The following RNF24 variants were observed in gnomAD, a reference collection of about 807,000 sequenced individuals.
The protein encoded by RNF24 is ring finger protein 24.
RNF24 carries 14 observed loss-of-function variants against 20.0 expected under a neutral mutation model. The observed-to-expected ratio is 0.70, with a 90% CI of 0.46 to 1.10. The LOEUF (loss-of-function observed/expected upper bound fraction) is 1.10. Among genes scored for constraint, RNF24 ranks in the 50% least tolerant of loss-of-function variants. The pLI, the probability that RNF24 is intolerant of heterozygous loss-of-function variation, is 0.00. For synonymous variants in RNF24, 45 were observed against 61.1 expected (o/e 0.74, Z 1.23); for missense variants, 124 against 177.6 (o/e 0.70, Z 1.71).
chr20:3,949,629 A>G (rs2091059493), intron 2 of RNF24, among the ~76,000 whole-genome samples: 1 of 152,070 alleles, frequency 6.6e-6, no homozygotes, highest in Non-Finnish European at 1.5e-5. Context: ...GGCTGCAGTG[A>G]GCTGGGATTG....
At chr20:3,965,867 CT>C (rs1239494938) in intron 1 of RNF24, among the ~76,000 whole-genome samples, 1 of 152,144 alleles carries the variant, frequency 6.6e-6, no homozygotes, top group Non-Finnish European at 1.5e-5. Flanking sequence ...GGTGCAGTGG[CT>C]CACACCTGTA....
At chr20:3,968,378 G>A (rs568403737) in intron 1 of RNF24, among the ~76,000 whole-genome samples, 12 of 152,302 alleles carry the variant, frequency 7.9e-5, no homozygotes, top group African/African-American at 2.9e-4. Flanking sequence ...GGAGGCTGAG[G>A]TGGGAGGACT....
At chr20:4,003,526 C>CT (rs1485434003) in intron 1 of RNF24, among the ~76,000 whole-genome samples, 1 of 150,412 alleles carries the variant, frequency 6.6e-6, no homozygotes, top group Non-Finnish European at 1.5e-5. Context: ...TAGTTCTTAA[C>CT]TTTTTCTTAG....
At chr20:3,968,758 T>C (rs927526206) in intron 1 of RNF24, among the ~76,000 whole-genome samples, 5 of 152,312 alleles carry the variant, frequency 3.3e-5, no homozygotes, top group African/African-American at 1.2e-4. Context: ...TTTAAAAACA[T>C]GTCACTGATC....
intron 1 of RNF24, among the ~76,000 whole-genome samples, chr20:3,990,283 G>A (rs918640795): frequency 1.3e-5 from 2 of 151,998 alleles, no homozygotes; most frequent in African/African-American, 4.8e-5. Context: ...CTGCTTGGGG[G>A]AAAAAAGTAC....
rs1379166726 is a variant in RNF24 at position 3,928,382 on chromosome 20, C to T, written c.*5681G>A. 1 of 152,204 alleles carries T rather than the reference C, an allele frequency of 6.6e-6. No individual in the cohort carries two copies. The highest frequency in any genetic ancestry group is 6.5e-5 in the Admixed American group (1 of 15,280). The allele number at this position is 152,204 out of a possible 1,614,324, so 9.4% of individuals were successfully genotyped here. A position where few individuals can be genotyped will look rare whatever the true frequency, so the allele number is the denominator to read the frequency against. ...TGGGCAGCTGCTGGGAAGCGAGGCA[C>T]AAGTCTGTGCCCCTACTCCCAGGGC... On this transcript the variant is annotated 3_prime_UTR_variant, in exon 6 of 6. Coordinates refer to ENST00000358395, the MANE Select transcript of RNF24 (RefSeq NM_001134337.3).
chr20:3,964,389 A>G (rs2091236013), intron 1 of RNF24, among the ~76,000 whole-genome samples: 1 of 152,250 alleles, frequency 6.6e-6, no homozygotes, highest in Non-Finnish European at 1.5e-5. Context: ...CTTTAACCTA[A>G]TAACTCAACC....
chr20:3,936,696 C>T (rs1002007836), intron 4 of RNF24, among the ~76,000 whole-genome samples: 4 of 152,188 alleles, frequency 2.6e-5, no homozygotes, highest in Non-Finnish European at 4.4e-5. Context: ...TCCTCTCAGC[C>T]CCGCCTTCCG....
At chr20:3,989,112 T>C (rs971740582) in intron 1 of RNF24, among the ~76,000 whole-genome samples, 3 of 152,302 alleles carry the variant, frequency 2.0e-5, no homozygotes, top group South Asian at 2.1e-4. Flanking sequence ...GGGTTTGTCT[T>C]TTCTGAGAGG....
chr20:3,986,959 T>C (rs940769402), intron 1 of RNF24, among the ~76,000 whole-genome samples: 18 of 151,934 alleles, frequency 1.2e-4, no homozygotes, highest in South Asian at 4.1e-4. Flanking sequence ...CCAAGCTGGA[T>C]TGCAGTAGCA....
chr20:3,931,757 A>T lies in RNF24; in HGVS notation c.*2306T>A, dbSNP rs1039241991. 1 of 152,240 alleles carries T rather than the reference A, an allele frequency of 6.6e-6. No homozygotes were observed. Among genetic ancestry groups the T allele is most frequent in the Non-Finnish European group, 1.5e-5 (1 of 68,044 alleles). 9.4% of individuals were successfully genotyped at this position (152,240 alleles called of 1,614,324 possible). On this transcript the variant is annotated 3_prime_UTR_variant, in exon 6 of 6. Coordinates refer to ENST00000358395, the MANE Select transcript of RNF24 (RefSeq NM_001134337.3). ...CTGAGAAGGTTGTTAGTGGTCCCTC[A>T]TCTGGGCAAAGCAGACCCAAGGTGG...
In RNF24 at chr20:3,930,618, C is replaced by G. The variant is rs990249404; in HGVS notation, c.*3445G>C. ...ATTCCATCACTCTCTGCCTGGAGCT[C>G]TGGGTATACTGCCCTGGATGTATCA... is the stretch of plus-strand genomic sequence containing the variant. On this transcript the variant is annotated 3_prime_UTR_variant, in exon 6 of 6. Transcript: ENST00000358395. The G allele has an allele frequency of 2.6e-5, 4 of 152,228 alleles. No individual in the cohort carries two copies. The highest frequency in any genetic ancestry group is 9.7e-5 in the African/African-American group (4 of 41,450). The allele number at this position is 152,228 out of a possible 1,614,324, so 9.4% of individuals were successfully genotyped here.
rs2090870791 is a variant in RNF24, at chr20:3,934,842, C to T, written c.308+152G>A. 4.8e-6 allele frequency: 3 copies of T among 625,324 alleles called. No individual in the cohort carries two copies. Among genetic ancestry groups the T allele is most frequent in the Non-Finnish European group, 5.9e-6 (2 of 340,194 alleles). The allele number at this position is 625,324 out of a possible 1,614,324, so 38.7% of individuals were successfully genotyped here. On this transcript the variant is annotated intron_variant, in intron 5 of 5. Coordinates refer to ENST00000358395, the MANE Select transcript of RNF24 (RefSeq NM_001134337.3). The surrounding 1 kb of genome is among the most constrained non-coding windows in gnomAD (Gnocchi z 4.0). ...TCTCCTAATGTCACGCACACACACACACATCCCACCTGTAGGGTGCTGTCA... is the reference window on the plus strand; with the variant it reads ...TCTCCTAATGTCACGCACACACACATACATCCCACCTGTAGGGTGCTGTCA...
chr20:4,001,871 C>T (rs2122123286), intron 1 of RNF24, among the ~76,000 whole-genome samples: 1 of 152,144 alleles, frequency 6.6e-6, no homozygotes, highest in East Asian at 1.9e-4. Flanking sequence ...TTGCTTGAGC[C>T]TGGAAGTTGA....
chr20:3,986,260 TCCTCCCTTCCTC>T (rs1440791593), intron 1 of RNF24, among the ~76,000 whole-genome samples: 8 of 151,186 alleles, frequency 5.3e-5, no homozygotes, highest in African/African-American at 1.9e-4. Flanking sequence ...CTTGCCTCCT[TCCTCCCTTCCTC>T]CCTCCCTCCT....
chr20:3,951,001 G>A (rs1007997761), intron 2 of RNF24, among the ~76,000 whole-genome samples: 2 of 152,118 alleles, frequency 1.3e-5, no homozygotes, highest in African/African-American at 4.8e-5. Context: ...TGTAGCCCAG[G>A]CTGGAGTGCA....
rs373272173 is a variant in RNF24, at chr20:4,007,907, A to T, written c.-8+7530T>A. On this transcript the variant is annotated intron_variant, in intron 1 of 5. Coordinates refer to ENST00000358395, the MANE Select transcript of RNF24 (RefSeq NM_001134337.3). Reference sequence around the variant, plus strand: ...ACTGCAGCCTGGGCGACAGAACAAGACTCTCTCTCTTAAAAACAAACACAC... The same window carrying T: ...ACTGCAGCCTGGGCGACAGAACAAGTCTCTCTCTCTTAAAAACAAACACAC... 4.6e-5 allele frequency among the ~76,000 whole-genome samples: 7 copies of T among 151,588 alleles called. No individual in the cohort carries two copies. The East Asian group carries it at 5.8e-4, about 13-fold the overall frequency.
chr20:3,964,057 G>C (rs1013869301), intron 1 of RNF24, 33 bp from the exon 2 acceptor site: 3 of 1,602,166 alleles, frequency 1.9e-6, no homozygotes, highest in African/African-American at 1.3e-5. Flanking sequence ...AAAAAAAATA[G>C]GTAAAGACTA....
chr20:3,941,289 A>G (rs571112553), intron 4 of RNF24, among the ~76,000 whole-genome samples: 1 of 152,286 alleles, frequency 6.6e-6, no homozygotes, highest in South Asian at 2.1e-4. Context: ...GTTTTTAAAA[A>G]CATGTCTGAT....
Sources: gnomAD v4.1 joint callset for allele counts (sites outside exome capture counted in the v4.1 genomes callset) on GRCh38, gnomAD v4.1.1 for gene constraint, Gnocchi (gnomAD v3.1) non-coding constraint, MANE v1.5 for transcripts, NCBI Gene and HGNC (gene_info 2026-07-23, HGNC 2026-07-21) for gene names.